Variants in CUX1 observed in about 807,000 individuals in gnomAD.
CUX1 encodes the protein protein CASP.
A neutral mutation model predicts 158.8 loss-of-function variants in CUX1; 31 were observed. That is an observed-to-expected ratio of 0.20 (90% CI 0.15 to 0.26). The LOEUF (loss-of-function observed/expected upper bound fraction) is 0.26, where lower values mean the gene tolerates loss of function less well. Among genes scored for constraint, CUX1 ranks in the 10% least tolerant of loss-of-function variants. CUX1 has a pLI of 1.00. For synonymous variants in CUX1, 879 were observed against 862.1 expected (o/e 1.02, Z -0.34); for missense variants, 1,589 against 2,014.6 (o/e 0.79, Z 4.04).
chr7:101,985,999 G>A (rs528543042), intron 2 of CUX1, among the ~76,000 whole-genome samples: 1 of 152,186 alleles, frequency 6.6e-6, no homozygotes, highest in Non-Finnish European at 1.5e-5. Flanking sequence ...TCTCTGTTTT[G>A]TTGGCCTTTG....
chr7:102,252,008 G>T lies in CUX1; in HGVS notation c.*2966G>T, dbSNP rs1563494695. On this transcript the variant is annotated 3_prime_UTR_variant, in exon 24 of 24. Coordinates refer to ENST00000292535, the MANE Select transcript of CUX1 (RefSeq NM_181552.4). Reference sequence around the variant, plus strand: ...TTTTACTTCTTAGATTTTTAACTAGGTTACTGTTGGTTCCCATTCTGTCTT... The same window carrying T: ...TTTTACTTCTTAGATTTTTAACTAGTTTACTGTTGGTTCCCATTCTGTCTT... 19 of 985,124 alleles carry T rather than the reference G, an allele frequency of 1.9e-5. No individual in the cohort carries two copies. The highest frequency in any genetic ancestry group is 2.2e-5 in the Non-Finnish European group (18 of 829,874). 61.0% of individuals were successfully genotyped at this position (985,124 alleles called of 1,614,324 possible).
chr7:101,973,111 C>T (rs1210645333), intron 2 of CUX1, among the ~76,000 whole-genome samples: 2 of 152,166 alleles, frequency 1.3e-5, no homozygotes, highest in Non-Finnish European at 2.9e-5. Context: ...AGTCCATCCA[C>T]GGTATCCTTG....
chr7:101,872,395 A>C (rs1251106356), intron 1 of CUX1, among the ~76,000 whole-genome samples: 1 of 152,082 alleles, frequency 6.6e-6, no homozygotes, highest in Non-Finnish European at 1.5e-5. Context: ...TGGCCTCCCA[A>C]AGTGTTGGGA....
chr7:101,937,697 G>C (rs542239797), intron 2 of CUX1, among the ~76,000 whole-genome samples: 92 of 151,964 alleles, frequency 6.1e-4, no homozygotes, highest in Non-Finnish European at 1.1e-3. Flanking sequence ...ATTTTTAGTA[G>C]AGACGGGGTT....
intron 2 of CUX1, among the ~76,000 whole-genome samples, chr7:101,979,112 G>A (rs142464414): frequency 1.9e-4 from 29 of 152,300 alleles, no homozygotes; most frequent in African/African-American, 6.0e-4. Flanking sequence ...CAGAAATCCT[G>A]GGCAAGCAGT....
At chr7:102,269,572 ATTTT>A (rs71123030) in intron 14 of CUX1, among the ~76,000 whole-genome samples, 60 of 107,760 alleles carry the variant, frequency 5.6e-4, no homozygotes, top group Admixed American at 6.6e-4. Context: ...TGCCCGGCTA[ATTTT>A]TTTTTTTTTT....
chr7:102,053,650 G>A (rs1371664511), intron 3 of CUX1, among the ~76,000 whole-genome samples: 1 of 151,832 alleles, frequency 6.6e-6, no homozygotes, highest in Non-Finnish European at 1.5e-5. Context: ...GTTAAAAATT[G>A]TTTTTATGTT....
At chr7:101,977,432 A>G (rs1202804117) in intron 2 of CUX1, among the ~76,000 whole-genome samples, 1 of 152,160 alleles carries the variant, frequency 6.6e-6, no homozygotes, top group East Asian at 1.9e-4. Context: ...ATTTTTAAAT[A>G]AAAGGATTCC....
chr7:101,903,959 A>G (rs1403634873), intron 1 of CUX1, among the ~76,000 whole-genome samples: 2 of 152,098 alleles, frequency 1.3e-5, no homozygotes, highest in South Asian at 2.1e-4. Flanking sequence ...TTTTTATTCA[A>G]TCTTATTTTC....
chr7:102,026,818 TAAAAAAAA>T (rs10533217), intron 2 of CUX1, among the ~76,000 whole-genome samples: 1 of 96,314 alleles, frequency 1.0e-5, no homozygotes, highest in Non-Finnish European at 2.0e-5. Flanking sequence ...ACTCCGTCTT[TAAAAAAAA>T]AAAAAAAAAA....
chr7:102,158,450 A>G, intron 8 of CUX1, 110 bp from the exon 9 acceptor site: 6 of 999,418 alleles, frequency 6.0e-6, no homozygotes, highest in Non-Finnish European at 9.4e-6. Flanking sequence ...GCATTGACTC[A>G]CGGGTCTGCA....
At chr7:102,096,258 G>A (rs1242332176) in intron 4 of CUX1, among the ~76,000 whole-genome samples, 14 of 152,232 alleles carry the variant, frequency 9.2e-5, no homozygotes, top group African/African-American at 2.7e-4. Context: ...TCCAGCCTTG[G>A]GACCTGCGGC....
chr7:102,181,062 C>T (rs1554513880), intron 11 of CUX1, among the ~76,000 whole-genome samples: 1 of 151,910 alleles, frequency 6.6e-6, no homozygotes, highest in Non-Finnish European at 1.5e-5. Flanking sequence ...CTGCCTCTGC[C>T]TCCTGAGTAG....
chr7:101,887,022 A>C (rs1254946104), intron 1 of CUX1, among the ~76,000 whole-genome samples: 1 of 152,196 alleles, frequency 6.6e-6, no homozygotes, highest in Admixed American at 6.5e-5. Flanking sequence ...CATTGCCCAA[A>C]GGATGGACCA....
At chr7:101,946,253 G>A (rs1189874061) in intron 2 of CUX1, among the ~76,000 whole-genome samples, 2 of 151,578 alleles carry the variant, frequency 1.3e-5, no homozygotes, top group Middle Eastern at 3.2e-3. Flanking sequence ...GGAAGAGAAG[G>A]GTTTGCTGGG....
intron 3 of CUX1, among the ~76,000 whole-genome samples, chr7:102,049,004 T>C (rs1320554863): frequency 6.6e-6 from 1 of 152,012 alleles, no homozygotes; most frequent in African/African-American, 2.4e-5. Context: ...TCCAGCCAGG[T>C]GGGCCAGCGG....
At chr7:102,171,871 A>G (rs1586033761) in intron 10 of CUX1, among the ~76,000 whole-genome samples, 1 of 152,238 alleles carries the variant, frequency 6.6e-6, no homozygotes, top group Non-Finnish European at 1.5e-5. Flanking sequence ...TCCTAAGGTT[A>G]CAATGAGTAC....
intron 1 of CUX1, among the ~76,000 whole-genome samples, chr7:101,833,683 TGTGCTGTA>T (rs1330564447): frequency 1.3e-5 from 2 of 151,782 alleles, no homozygotes; most frequent in Non-Finnish European, 2.9e-5. Context: ...AAACCATTAC[TGTGCTGTA>T]GTATTTCCAG....
chr7:102,232,876 G>A (rs1554531288), intron 21 of CUX1, among the ~76,000 whole-genome samples: 1 of 152,212 alleles, frequency 6.6e-6, no homozygotes, highest in Non-Finnish European at 1.5e-5. Flanking sequence ...AGGCAGCCTA[G>A]ACTGCAAAAG....
Sources: allele counts gnomAD v4.1 joint callset (sites outside exome capture counted in the v4.1 genomes callset), GRCh38; gene constraint gnomAD v4.1.1; transcripts MANE v1.5; gene names NCBI Gene and HGNC (gene_info 2026-07-23, HGNC 2026-07-21).